UBXN4: variants seen among roughly 807,000 people sequenced by gnomAD.
UBXN4 encodes UBX domain-containing protein 4.
A neutral mutation model predicts 66.2 loss-of-function variants in UBXN4; 35 were observed. The observed-to-expected ratio is 0.53, with a 90% CI of 0.40 to 0.70. The LOEUF (loss-of-function observed/expected upper bound fraction) is 0.70. Ranked by LOEUF, UBXN4 falls within the 30% of genes least tolerant of loss-of-function variation. UBXN4 has a pLI of 0.00. For synonymous variants in UBXN4, 203 were observed against 204.5 expected, an observed-to-expected ratio of 0.99 and a Z score of 0.06; for missense variants, 533 against 599.8, an observed-to-expected ratio of 0.89 and a Z score of 1.16.
chr2:135,782,923 C>T lies in UBXN4; in HGVS notation c.*36C>T, dbSNP rs987923803. On this transcript the variant is annotated 3_prime_UTR_variant, in exon 13 of 13. Coordinates refer to ENST00000272638, the MANE Select transcript of UBXN4 (RefSeq NM_014607.4). ...ATAATATGTGCAATAATCATTGTTT[C>T]TCTTATGATTTAATTCAACTAAAAT... The T allele has an allele frequency of 6.4e-7, 1 of 1,570,680 alleles. No individual in the cohort carries two copies. The highest frequency in any genetic ancestry group is 8.6e-7 in the Non-Finnish European group (1 of 1,157,630).
At chr2:135,776,128 C>G (rs908667965) in intron 9 of UBXN4, 121 bp from the exon 10 acceptor site, 1 of 734,260 alleles carries the variant, frequency 1.4e-6, no homozygotes, top group South Asian at 2.0e-5. Context: ...ACAAAAAGAT[C>G]TGATATGGTA....
intron 5 of UBXN4, among the ~76,000 whole-genome samples, chr2:135,757,360 T>G (rs1456311527): frequency 6.6e-6 from 1 of 152,274 alleles, no homozygotes; most frequent in Non-Finnish European, 1.5e-5. Context: ...TCTCTTATTA[T>G]AACTTTTTAT....
At chr2:135,772,606 A>G (rs902840372) in intron 9 of UBXN4, 59 bp downstream of exon 9, 11 of 1,599,632 alleles carry the variant, frequency 6.9e-6, no homozygotes, top group Non-Finnish European at 7.7e-6. Flanking sequence ...GAATGATTAT[A>G]AGCTGGTTTT....
At chr2:135,752,249 A>G (rs755532376) in intron 2 of UBXN4, among the ~76,000 whole-genome samples, 1 of 152,180 alleles carries the variant, frequency 6.6e-6, no homozygotes, top group Non-Finnish European at 1.5e-5. Flanking sequence ...GAGTTTCACT[A>G]TGTTGGCCAG....
At position 135,780,272 on chromosome 2, in the gene UBXN4, C is replaced by A; in HGVS notation, c.1275C>A (p.Ile425=). The A allele has an allele frequency of 6.2e-7, 1 of 1,614,176 alleles. No homozygotes were observed. The highest frequency in any genetic ancestry group is 8.5e-7 in the Non-Finnish European group (1 of 1,180,038). The change falls in exon 12 of 13, where the codon ATC becomes ATA. Residue 425 remains isoleucine (I), a synonymous_variant. Transcript: ENST00000272638. ...LGTVLYPFLA[I]WRLISNFLFS... ...CAGTGCTTTATCCATTCCTTGCCATCTGGAGATTAATTAGCAATTTCTTGT... is the reference window on the plus strand; with the variant it reads ...CAGTGCTTTATCCATTCCTTGCCATATGGAGATTAATTAGCAATTTCTTGT...
In UBXN4 at chr2:135,772,470, G is replaced by A; in HGVS notation, c.873G>A (p.Glu291=). The stretch of plus-strand genomic sequence containing the variant: ...TTGCAAAGACAAAGGAAGAAGTAGA[G>A]GCTGCCAAAGCTGCTGCCTTGCTAG... ...ARFAKTKEEV[E]AAKAAALLAK... is the part of the protein sequence containing the mutation. The change falls in exon 9 of 13, where the codon GAG becomes GAA. Residue 291 remains glutamate (E), a synonymous_variant. Transcript: ENST00000272638. 1 of 1,614,180 alleles carries A rather than the reference G, an allele frequency of 6.2e-7. No individual in the cohort carries two copies. The highest frequency in any genetic ancestry group is 1.6e-4 in the Middle Eastern group (1 of 6,062).
At position 135,769,843 on chromosome 2, in the gene UBXN4, C is replaced by T. The variant is rs1233564498; in HGVS notation, c.657+20C>T. The T allele has an allele frequency of 6.3e-7, 1 of 1,584,084 alleles. No homozygotes were observed. The highest frequency in any genetic ancestry group is 8.6e-7 in the Non-Finnish European group (1 of 1,168,640). On this transcript the variant is annotated intron_variant, in intron 7 of 12. Transcript: ENST00000272638. The stretch of plus-strand genomic sequence containing the variant: ...GAACAGGTAAAGTTCATGCAGTTAG[C>T]ATTGTTTTGTCCTCTCATTAACTGA...
chr2:135,750,585 G>A (rs974191723), intron 2 of UBXN4, among the ~76,000 whole-genome samples: 1 of 152,004 alleles, frequency 6.6e-6, no homozygotes, highest in Admixed American at 6.6e-5. Flanking sequence ...AAAATTTTCT[G>A]TGTTTACAAA....
At chr2:135,756,606 T>C (rs2077279877) in intron 5 of UBXN4, among the ~76,000 whole-genome samples, 1 of 152,210 alleles carries the variant, frequency 6.6e-6, no homozygotes, top group Non-Finnish European at 1.5e-5. Context: ...GGGGACTCTA[T>C]TATGGATGTT....
At chr2:135,751,909 T>C (rs1211277219) in intron 2 of UBXN4, among the ~76,000 whole-genome samples, 2 of 152,190 alleles carry the variant, frequency 1.3e-5, no homozygotes, top group South Asian at 2.1e-4. Flanking sequence ...ACTAATCTTA[T>C]AAATTCTCTC....
chr2:135,769,738 A>C (rs1296702819), intron 6 of UBXN4, 31 bp from the exon 7 acceptor site: 4 of 1,461,318 alleles, frequency 2.7e-6, no homozygotes, highest in Non-Finnish European at 3.7e-6. Flanking sequence ...ATGTGTCTCA[A>C]TTAGTGGTGG....
chr2:135,770,283 C>T lies in UBXN4; in HGVS notation c.658-288C>T, dbSNP rs376915656. 2.0e-5 allele frequency among the ~76,000 whole-genome samples: 3 copies of T among 152,172 alleles called. No individual in the cohort carries two copies. The East Asian group carries it at 5.8e-4, about 29-fold the overall frequency. The stretch of plus-strand genomic sequence containing the variant: ...GTTACCATTTCATTCAAGCCAAATA[C>T]GTGACTGCCATGTTGTCCCTGAAGG... On this transcript the variant is annotated intron_variant, in intron 7 of 12. Coordinates refer to ENST00000272638, the MANE Select transcript of UBXN4 (RefSeq NM_014607.4).
chr2:135,773,594 A>G (rs1482637629), intron 9 of UBXN4, among the ~76,000 whole-genome samples: 2 of 152,206 alleles, frequency 1.3e-5, no homozygotes, highest in African/African-American at 4.8e-5. Context: ...TAATTATACC[A>G]GAACGAATGA....
intron 6 of UBXN4, among the ~76,000 whole-genome samples, chr2:135,767,373 TGAAAG>T (rs1384223517): frequency 1.4e-4 from 21 of 151,388 alleles, no homozygotes; most frequent in African/African-American, 4.8e-4. Context: ...AAAAAAAAAA[TGAAAG>T]AAAGAAAATT....
chr2:135,762,814 T>G (rs1294480799), intron 6 of UBXN4, among the ~76,000 whole-genome samples: 2 of 152,058 alleles, frequency 1.3e-5, no homozygotes, highest in Non-Finnish European at 2.9e-5. Flanking sequence ...GTTCATCCTG[T>G]TTTGCTTCTT....
chr2:135,741,899 A>C lies in UBXN4; in HGVS notation c.-31A>C, dbSNP rs1199007824. 2 of 1,600,720 alleles carry C rather than the reference A, an allele frequency of 1.2e-6. No individual in the cohort carries two copies. Among genetic ancestry groups the C allele is most frequent in the Non-Finnish European group, 1.7e-6 (2 of 1,174,224 alleles). ...GGCTTCGGGACTGCGGAGACTACACACCGAGCGAGCGCCTGGGCCCGAAGG... is the reference window on the plus strand; with the variant it reads ...GGCTTCGGGACTGCGGAGACTACACCCCGAGCGAGCGCCTGGGCCCGAAGG... On this transcript the variant is annotated 5_prime_UTR_variant, in exon 1 of 13. Coordinates refer to ENST00000272638, the MANE Select transcript of UBXN4 (RefSeq NM_014607.4).
chr2:135,779,507 C>T (rs1436347908), intron 11 of UBXN4, among the ~76,000 whole-genome samples: 1 of 152,144 alleles, frequency 6.6e-6, no homozygotes, highest in Non-Finnish European at 1.5e-5. Context: ...GAAGCTCAGA[C>T]AGCTTAAATG....
At chr2:135,761,031 C>T (rs374747798) in intron 5 of UBXN4, among the ~76,000 whole-genome samples, 12 of 152,276 alleles carry the variant, frequency 7.9e-5, no homozygotes, top group Admixed American at 5.2e-4. Flanking sequence ...TGTATTAACA[C>T]GTATTTCTTA....
Position 135,779,088 on chromosome 2 carries a change from A to T in UBXN4, c.1185+9A>T, listed in dbSNP as rs2077435044. 6.4e-7 allele frequency: 1 copy of T among 1,570,000 alleles called. No individual in the cohort carries two copies. The highest frequency in any genetic ancestry group is 1.4e-5 in the African/African-American group (1 of 73,110). On this transcript the variant is annotated intron_variant, in intron 11 of 12. Coordinates refer to ENST00000272638, the MANE Select transcript of UBXN4 (RefSeq NM_014607.4). Reference sequence around the variant, plus strand: ...CGGTGGTACTGTTGCCAGTATGTATATACAGATGCATTTTTTTCTCTTCTT... The same window carrying T: ...CGGTGGTACTGTTGCCAGTATGTATTTACAGATGCATTTTTTTCTCTTCTT...
Sources: gnomAD v4.1 joint callset for allele counts (sites outside exome capture counted in the v4.1 genomes callset) on GRCh38, gnomAD v4.1.1 for gene constraint, MANE v1.5 for transcripts, NCBI Gene and HGNC (gene_info 2026-07-23, HGNC 2026-07-21) for gene names.